The following VPS26A variants were observed in gnomAD, a reference collection of about 807,000 sequenced individuals.
VPS26A encodes VPS26 retromer complex component A.
A neutral mutation model predicts 42.4 loss-of-function variants in VPS26A; 22 were observed. That is an observed-to-expected ratio of 0.52 (90% CI 0.37 to 0.74). The LOEUF is 0.74. Among genes scored for constraint, VPS26A ranks in the 30% least tolerant of loss-of-function variants. The probability of loss-of-function intolerance (pLI) is 0.00; values close to 1 mark genes in which losing one functional copy is unlikely to be tolerated. For synonymous variants in VPS26A, 110 were observed against 123.5 expected, an observed-to-expected ratio of 0.89 and a Z score of 0.73; for missense variants, 276 against 379.2, an observed-to-expected ratio of 0.73 and a Z score of 2.26.
intron 1 of VPS26A, among the ~76,000 whole-genome samples, chr10:69,126,855 C>G (rs1840666312): frequency 7.5e-6 from 1 of 134,224 alleles, no homozygotes; most frequent in Non-Finnish European, 1.7e-5. Context: ...TTCTAAAAGA[C>G]AAGCTTTTTT....
At chr10:69,168,247 G>C (rs1210579681) in intron 7 of VPS26A, among the ~76,000 whole-genome samples, 1 of 152,274 alleles carries the variant, frequency 6.6e-6, no homozygotes, top group East Asian at 1.9e-4. Context: ...AGTACTACTG[G>C]TATCTAGTGG....
intron 1 of VPS26A, among the ~76,000 whole-genome samples, chr10:69,131,066 A>G (rs1248751150): frequency 1.3e-5 from 2 of 151,926 alleles, no homozygotes; most frequent in African/African-American, 4.8e-5. Context: ...GCTCACTGCA[A>G]CCTCTGCCTT....
chr10:69,125,321 AG>A (rs1840625847), intron 1 of VPS26A, among the ~76,000 whole-genome samples: 2 of 113,572 alleles, frequency 1.8e-5, no homozygotes, highest in Non-Finnish European at 4.6e-5. Context: ...TCATTCTTAG[AG>A]CTTTTTTTCT....
At chr10:69,156,750 G>C (rs936703232) in intron 3 of VPS26A, among the ~76,000 whole-genome samples, 6 of 152,212 alleles carry the variant, frequency 3.9e-5, no homozygotes, top group Admixed American at 6.5e-5. Flanking sequence ...GCTTCATATT[G>C]GGAGAGCCCC....
intron 2 of VPS26A, among the ~76,000 whole-genome samples, chr10:69,142,738 C>CAA (rs35356640): frequency 2.5e-5 from 3 of 118,822 alleles, no homozygotes; most frequent in South Asian, 2.6e-4. Context: ...CCCCACTATT[C>CAA]AAAAAAAAAA....
chr10:69,162,128 A>C (rs1366566684), intron 5 of VPS26A, among the ~76,000 whole-genome samples: 1 of 151,402 alleles, frequency 6.6e-6, no homozygotes, highest in African/African-American at 2.4e-5. Flanking sequence ...AGTAGCAGGG[A>C]TCACAAGCAT....
At chr10:69,137,956 CT>C (rs1041675450) in intron 2 of VPS26A, among the ~76,000 whole-genome samples, 5 of 151,846 alleles carry the variant, frequency 3.3e-5, no homozygotes, top group Non-Finnish European at 7.4e-5. Context: ...ACTATCACCA[CT>C]AATTCCAGAA....
intron 1 of VPS26A, among the ~76,000 whole-genome samples, chr10:69,131,287 T>A (rs1014071188): frequency 2.6e-5 from 4 of 152,138 alleles, no homozygotes; most frequent in African/African-American, 7.2e-5. Flanking sequence ...GCCAGATATG[T>A]TTTTTAAAGA....
intron 2 of VPS26A, among the ~76,000 whole-genome samples, chr10:69,154,752 G>A (rs1841394212): frequency 6.6e-6 from 1 of 151,884 alleles, no homozygotes; most frequent in African/African-American, 2.4e-5. Flanking sequence ...TATAGTCCCA[G>A]CTATTTGGAG....
At chr10:69,166,696 T>A (rs1453967845) in intron 7 of VPS26A, among the ~76,000 whole-genome samples, 1 of 152,212 alleles carries the variant, frequency 6.6e-6, no homozygotes, top group Non-Finnish European at 1.5e-5. Flanking sequence ...GGTGGTTGTG[T>A]CCCTTATGAT....
At chr10:69,143,323 G>T (rs1001002090) in intron 2 of VPS26A, among the ~76,000 whole-genome samples, 1 of 152,146 alleles carries the variant, frequency 6.6e-6, no homozygotes, top group Non-Finnish European at 1.5e-5. Context: ...AGGTTAGACT[G>T]CCTCATTGGT....
At chr10:69,169,375 T>C (rs1487384125) in intron 8 of VPS26A, among the ~76,000 whole-genome samples, 1 of 152,182 alleles carries the variant, frequency 6.6e-6, no homozygotes, top group East Asian at 1.9e-4. Flanking sequence ...ATTTATCCCT[T>C]TTAAACAATT....
In VPS26A at chr10:69,173,736, A is replaced by G. The variant is rs1329792541; in HGVS notation, c.*2467A>G. Among the ~76,000 whole-genome samples, 2 of 152,120 alleles carry G rather than the reference A, an allele frequency of 1.3e-5. No individual in the cohort carries two copies. The highest frequency in any genetic ancestry group is 2.9e-5 in the Non-Finnish European group (2 of 68,022). On this transcript the variant is annotated 3_prime_UTR_variant, in exon 9 of 9. Transcript: ENST00000263559. Reference sequence around the variant, plus strand: ...CCAATCAGGCTGGGCACAGTGGCTCACGCCTGTAATCCCAGCACTTTGGGA... The same window carrying G: ...CCAATCAGGCTGGGCACAGTGGCTCGCGCCTGTAATCCCAGCACTTTGGGA...
intron 2 of VPS26A, among the ~76,000 whole-genome samples, chr10:69,147,426 AT>A (rs200380238): frequency 0.044 from 6,660 of 150,762 alleles, 460 homozygotes; most frequent in African/African-American, 0.15. Context: ...CAATTTATCA[AT>A]TTTTTTTTCT....
chr10:69,133,074 C>A, intron 2 of VPS26A, 27 bp downstream of exon 2: 1 of 1,598,568 alleles, frequency 6.3e-7, no homozygotes, highest in African/African-American at 1.4e-5. Flanking sequence ...ACAAAACTAT[C>A]TAATTGTAAG....
At chr10:69,149,229 G>A (rs1841234741) in intron 2 of VPS26A, among the ~76,000 whole-genome samples, 1 of 152,110 alleles carries the variant, frequency 6.6e-6, no homozygotes, top group Non-Finnish European at 1.5e-5. Context: ...ATCAGTATTG[G>A]GACAAACTGG....
chr10:69,169,807 C>T (rs1841776687), intron 8 of VPS26A, among the ~76,000 whole-genome samples: 1 of 151,920 alleles, frequency 6.6e-6, no homozygotes, highest in African/African-American at 2.4e-5. Context: ...CTGGGTTTCA[C>T]CATGTTGACC....
At chr10:69,155,927 C>G (rs1841421770) in intron 3 of VPS26A, 40 bp downstream of exon 3, 1 of 1,497,558 alleles carries the variant, frequency 6.7e-7, no homozygotes, top group Non-Finnish European at 9.1e-7. Flanking sequence ...TCTTTGATAA[C>G]TGAATTTGAA....
chr10:69,127,727 C>CTTTTTT (rs572346560), intron 1 of VPS26A, among the ~76,000 whole-genome samples: 13 of 85,068 alleles, frequency 1.5e-4, no homozygotes, highest in African/African-American at 4.3e-4. Flanking sequence ...TTAAAAATAT[C>CTTTTTT]TTTTTTTTTT....
Sources: allele counts gnomAD v4.1 joint callset (sites outside exome capture counted in the v4.1 genomes callset), GRCh38; gene constraint gnomAD v4.1.1; transcripts MANE v1.5; gene names NCBI Gene and HGNC (gene_info 2026-07-23, HGNC 2026-07-21).